PPP2R2A: variants seen among roughly 807,000 people sequenced by gnomAD.
The protein encoded by PPP2R2A is serine/threonine-protein phosphatase 2A 55 kDa regulatory subunit B alpha isoform.
A neutral mutation model predicts 53.2 loss-of-function variants in PPP2R2A; 9 were observed. The ratio of observed to expected loss-of-function variants is 0.17; its 90% CI spans 0.10 to 0.30. The LOEUF (loss-of-function observed/expected upper bound fraction) is 0.30, where lower values mean the gene tolerates loss of function less well. Among genes scored for constraint, PPP2R2A ranks in the 10% least tolerant of loss-of-function variants. The pLI, the probability that PPP2R2A is intolerant of heterozygous loss-of-function variation, is 1.00. For missense variants in PPP2R2A, 235 were observed against 534.6 expected (o/e 0.44, Z 5.53); for synonymous variants, 169 against 174.2 (o/e 0.97, Z 0.23).
Position 26,370,295 on chromosome 8 carries a change from G to A in PPP2R2A, c.1226G>A (p.Ser409Asn). The A allele has an allele frequency of 6.2e-7, 1 of 1,614,182 alleles. No individual in the cohort carries two copies. Among genetic ancestry groups the A allele is most frequent in the East Asian group, 2.2e-5 (1 of 44,888 alleles). The stretch of plus-strand genomic sequence containing the variant: ...GGCAAGCGAAAGAAAGATGAAATAA[G>A]TGTTGACAGCCTAGACTTCAATAAG... Reference protein sequence around the residue: ...ASGKRKKDEISVDSLDFNKKI... With the variant: ...ASGKRKKDEINVDSLDFNKKI... Residue 409 changes from serine to asparagine, a missense_variant, in exon 10 of 10, where the codon AGT becomes AAT. Coordinates refer to ENST00000380737, the MANE Select transcript of PPP2R2A (RefSeq NM_002717.4). The surrounding 1 kb of genome is among the most constrained non-coding windows in gnomAD (Gnocchi z 6.1).
rs1175290421 is a variant in PPP2R2A, at chr8:26,291,557, C to CCGCCGCCGCCGTCGCTGTCGTAGT, written c.-251_-228dup. ...GTGGAGTCGCCTGCCCCTGCCGCTGCCGCCGCCGCCGTCGCTGTCGTAGTC... is the reference window on the plus strand; with the variant it reads ...GTGGAGTCGCCTGCCCCTGCCGCTGCCGCCGCCGCCGTCGCTGTCGTAGTCGCCGCCGCCGTCGCTGTCGTAGTC... On this transcript the variant is annotated 5_prime_UTR_variant, in exon 1 of 10. Coordinates refer to ENST00000380737, the MANE Select transcript of PPP2R2A (RefSeq NM_002717.4). The CCGCCGCCGCCGTCGCTGTCGTAGT allele has an allele frequency of 4.8e-5, 25 of 518,622 alleles. No individual in the cohort carries two copies. The highest frequency in any genetic ancestry group is 2.2e-4 in the African/African-American group (11 of 49,178). The allele number at this position is 518,622 out of a possible 1,614,324, so 32.1% of individuals were successfully genotyped here. A position where few individuals can be genotyped will look rare whatever the true frequency, so the allele number is the denominator to read the frequency against.
At chr8:26,316,679 G>T (rs1199783718) in intron 2 of PPP2R2A, among the ~76,000 whole-genome samples, 1 of 152,204 alleles carries the variant, frequency 6.6e-6, no homozygotes, top group Non-Finnish European at 1.5e-5. Flanking sequence ...GGAAGTCCTA[G>T]ATCAAGGCAA....
intron 9 of PPP2R2A, among the ~76,000 whole-genome samples, chr8:26,368,203 G>A (rs781686350): frequency 2.0e-5 from 3 of 152,156 alleles, no homozygotes; most frequent in Non-Finnish European, 1.5e-5. Context: ...TCAGGGGCAC[G>A]CATTACCTTG....
At chr8:26,291,881 C>T (rs1370567388) in intron 1 of PPP2R2A, 55 bp downstream of exon 1, 7 of 1,602,388 alleles carry the variant, frequency 4.4e-6, no homozygotes, top group East Asian at 4.6e-5. Flanking sequence ...TTATTCCTCC[C>T]TCCATCACCC....
chr8:26,312,131 C>A (rs551070477), intron 2 of PPP2R2A, among the ~76,000 whole-genome samples: 1 of 152,134 alleles, frequency 6.6e-6, no homozygotes, highest in East Asian at 1.9e-4. Flanking sequence ...ATATTTAGAG[C>A]CCTTGGAAAA....
rs1328673345 is a variant in PPP2R2A at position 26,354,740 on chromosome 8, TTTG to T, written c.346+110_346+112del. On this transcript the variant is annotated intron_variant, in intron 4 of 9. Coordinates refer to ENST00000380737, the MANE Select transcript of PPP2R2A (RefSeq NM_002717.4). This position sits in a 1 kb window ranked among gnomAD's most constrained non-coding sequence, Gnocchi z 4.6. ...AACAGAGATACTTGTAAAAAGGACT[TTTG>T]TTTTTCTATACAGAATGTAAACTCT... The T allele has an allele frequency of 1.9e-6, 2 of 1,081,068 alleles. No individual in the cohort carries two copies. The highest frequency in any genetic ancestry group is 3.2e-5 in the African/African-American group (2 of 61,916). The allele number at this position is 1,081,068 out of a possible 1,614,324, so 67.0% of individuals were successfully genotyped here. A position where few individuals can be genotyped will look rare whatever the true frequency, so the allele number is the denominator to read the frequency against.
chr8:26,298,283 C>T (rs898503272), intron 2 of PPP2R2A, among the ~76,000 whole-genome samples: 6 of 152,292 alleles, frequency 3.9e-5, no homozygotes, highest in African/African-American at 1.2e-4. Context: ...ATGGCAGTCC[C>T]CTACCTCCCC....
chr8:26,321,661 C>T lies in PPP2R2A; in HGVS notation c.83-17229C>T, dbSNP rs1184241743. 5.9e-5 allele frequency among the ~76,000 whole-genome samples: 9 copies of T among 152,218 alleles called. No homozygotes were observed. The highest frequency in any genetic ancestry group is 2.2e-4 in the African/African-American group (9 of 41,466). On this transcript the variant is annotated intron_variant, in intron 2 of 9. Transcript: ENST00000380737. This position sits in a 1 kb window ranked among gnomAD's most constrained non-coding sequence, Gnocchi z 4.1. ...CTGGCCAACAGCTGGCGACCTGACA[C>T]CTGTCAGCAGCCAGGCGCACGAGCT...
intron 2 of PPP2R2A, among the ~76,000 whole-genome samples, chr8:26,296,554 C>G (rs1801546722): frequency 6.6e-6 from 1 of 152,178 alleles, no homozygotes; most frequent in African/African-American, 2.4e-5. Context: ...TTAAAGTCTT[C>G]CTTTATAGCA....
At chr8:26,304,108 T>G (rs1167765713) in intron 2 of PPP2R2A, among the ~76,000 whole-genome samples, 2 of 152,256 alleles carry the variant, frequency 1.3e-5, no homozygotes, top group African/African-American at 4.8e-5. Flanking sequence ...ACTTCTGTGC[T>G]GGATTCTAAA....
chr8:26,328,441 A>G (rs1803204511), intron 2 of PPP2R2A, among the ~76,000 whole-genome samples: 1 of 152,216 alleles, frequency 6.6e-6, no homozygotes, highest in African/African-American at 2.4e-5. Context: ...TTTTAAAAAA[A>G]TCTTAATCAT....
Position 26,360,147 on chromosome 8 carries a change from C to A in PPP2R2A, c.347-22C>A. 3.6e-6 allele frequency: 5 copies of A among 1,389,844 alleles called. No homozygotes were observed. Among genetic ancestry groups the A allele is most frequent in the South Asian group, 1.2e-5 (1 of 82,602 alleles). 86.1% of individuals were successfully genotyped at this position (1,389,844 alleles called of 1,614,324 possible). On this transcript the variant is annotated intron_variant, in intron 4 of 9. Coordinates refer to ENST00000380737, the MANE Select transcript of PPP2R2A (RefSeq NM_002717.4). This position sits in a 1 kb window ranked among gnomAD's most constrained non-coding sequence, Gnocchi z 4.5. ...TTTTTCTTCTTCAGTATTTTAAGGACTTTTCTTTATTTTCTTCCCAGATAA... is the reference window on the plus strand; with the variant it reads ...TTTTTCTTCTTCAGTATTTTAAGGAATTTTCTTTATTTTCTTCCCAGATAA...
intron 2 of PPP2R2A, among the ~76,000 whole-genome samples, chr8:26,302,884 T>G (rs1801850465): frequency 6.6e-6 from 1 of 152,204 alleles, no homozygotes; most frequent in Non-Finnish European, 1.5e-5. Flanking sequence ...TATTACTATT[T>G]TACAATGAAG....
chr8:26,358,968 T>G (rs1385648686), intron 4 of PPP2R2A: 1 of 455,910 alleles, frequency 2.2e-6, no homozygotes, highest in Admixed American at 2.3e-5. Context: ...GAAAGAGTCA[T>G]TGTATAGTGG....
rs1028727937 is a variant in PPP2R2A, at chr8:26,369,985, C to T, written c.1065-149C>T. 2.2e-5 allele frequency: 16 copies of T among 727,132 alleles called. No individual in the cohort carries two copies. In the Admixed American group the frequency reaches 2.3e-4, roughly 11 times the overall value. 45.0% of individuals were successfully genotyped at this position (727,132 alleles called of 1,614,324 possible). ...ATTAGTACCGTATTTCTGGTTTATTCTAGTGATTGAGTTGATGTCAACAGC... is the reference window on the plus strand; with the variant it reads ...ATTAGTACCGTATTTCTGGTTTATTTTAGTGATTGAGTTGATGTCAACAGC... On this transcript the variant is annotated intron_variant, in intron 9 of 9. Coordinates refer to ENST00000380737, the MANE Select transcript of PPP2R2A (RefSeq NM_002717.4).
chr8:26,299,720 T>C (rs1480268441), intron 2 of PPP2R2A, among the ~76,000 whole-genome samples: 5 of 144,446 alleles, frequency 3.5e-5, no homozygotes, highest in Non-Finnish European at 6.0e-5. Context: ...CTGCATCTCT[T>C]TTTTTTTTTT....
chr8:26,355,718 A>G (rs1420336882), intron 4 of PPP2R2A, among the ~76,000 whole-genome samples: 1 of 152,042 alleles, frequency 6.6e-6, no homozygotes, highest in Non-Finnish European at 1.5e-5. Flanking sequence ...CAAAAAAATT[A>G]TCCGGGTGTG....
At chr8:26,347,821 A>G (rs1045643774) in intron 3 of PPP2R2A, among the ~76,000 whole-genome samples, 2 of 152,160 alleles carry the variant, frequency 1.3e-5, no homozygotes, top group Admixed American at 6.6e-5. Flanking sequence ...TACTGAACAT[A>G]ATTTAATAAG....
intron 2 of PPP2R2A, among the ~76,000 whole-genome samples, chr8:26,308,323 A>G (rs1242793480): frequency 6.6e-6 from 1 of 152,222 alleles, no homozygotes; most frequent in East Asian, 1.9e-4. Context: ...TGACTCTTTC[A>G]TGAAAGATTT....
Sources: gnomAD v4.1 joint callset for allele counts (sites outside exome capture counted in the v4.1 genomes callset) on GRCh38, gnomAD v4.1.1 for gene constraint, Gnocchi (gnomAD v3.1) non-coding constraint, MANE v1.5 for transcripts, NCBI Gene and HGNC (gene_info 2026-07-23, HGNC 2026-07-21) for gene names.